DPYSL3: variants seen among roughly 807,000 people sequenced by gnomAD.
DPYSL3 encodes dihydropyrimidinase like 3.
A neutral mutation model predicts 66.1 loss-of-function variants in DPYSL3; 16 were observed. The observed-to-expected ratio is 0.24, with a 90% CI of 0.16 to 0.37. The LOEUF is 0.37. DPYSL3 is among the 10% of genes least tolerant of loss of function. The pLI is 1.00. For missense variants in DPYSL3, 738 were observed against 916.2 expected (o/e 0.81, Z 2.51); for synonymous variants, 338 against 345.1 (o/e 0.98, Z 0.23).
chr5:147,474,812 T>G (rs1035408806), intron 1 of DPYSL3, among the ~76,000 whole-genome samples: 2 of 152,110 alleles, frequency 1.3e-5, no homozygotes, highest in African/African-American at 4.8e-5. Context: ...ATTCACCAAT[T>G]TAAAGTATAC....
At chr5:147,434,118 T>C (rs558153417) in intron 1 of DPYSL3, among the ~76,000 whole-genome samples, 1 of 152,232 alleles carries the variant, frequency 6.6e-6, no homozygotes, top group Non-Finnish European at 1.5e-5. Context: ...CTACTGCTCT[T>C]GTAATATCGA....
chr5:147,473,058 TA>T (rs974788574), intron 1 of DPYSL3: 4 of 152,210 alleles, frequency 2.6e-5, no homozygotes, highest in African/African-American at 9.6e-5. Context: ...TTTTCTTTTT[TA>T]AATCATACGG....
chr5:147,415,936 G>A (rs1490171383), intron 3 of DPYSL3, 63 bp from the exon 4 acceptor site: 3 of 1,549,220 alleles, frequency 1.9e-6, no homozygotes, highest in African/African-American at 1.4e-5. Flanking sequence ...CTCTGCCCAG[G>A]CCTGCTCCTG....
intron 8 of DPYSL3, among the ~76,000 whole-genome samples, chr5:147,404,391 A>G (rs1758278841): frequency 6.6e-6 from 1 of 152,206 alleles, no homozygotes; most frequent in South Asian, 2.1e-4. Flanking sequence ...GCATCTGAAC[A>G]CTCAGCCATC....
chr5:147,396,502 G>A (rs939582332), intron 12 of DPYSL3, among the ~76,000 whole-genome samples: 6 of 152,198 alleles, frequency 3.9e-5, no homozygotes, highest in East Asian at 1.9e-4. Context: ...ATGAGGACGC[G>A]CTGCCAGAGG....
At chr5:147,437,474 T>C (rs1752433499) in intron 1 of DPYSL3, among the ~76,000 whole-genome samples, 1 of 152,172 alleles carries the variant, frequency 6.6e-6, no homozygotes. Context: ...TTGGGGATTG[T>C]GGTCATAAGC....
At chr5:147,405,577 C>A in intron 8 of DPYSL3, 33 bp downstream of exon 8, 1 of 1,596,180 alleles carries the variant, frequency 6.3e-7, no homozygotes, top group Admixed American at 1.7e-5. Context: ...ACAGTGCCAT[C>A]AGGGGCTCCG....
intron 4 of DPYSL3, among the ~76,000 whole-genome samples, chr5:147,415,503 A>G (rs1429884134): frequency 6.6e-6 from 1 of 152,128 alleles, no homozygotes; most frequent in African/African-American, 2.4e-5. Flanking sequence ...CTCCATCTGC[A>G]AAGTGGGGAA....
At chr5:147,490,980 G>A (rs1223021400) in intron 1 of DPYSL3, among the ~76,000 whole-genome samples, 1 of 152,160 alleles carries the variant, frequency 6.6e-6, no homozygotes, top group East Asian at 1.9e-4. Context: ...GTCAGGGAGA[G>A]GAGAGAGGAA....
intron 1 of DPYSL3, among the ~76,000 whole-genome samples, chr5:147,468,094 A>G (rs541870732): frequency 2.6e-4 from 40 of 152,304 alleles, no homozygotes; most frequent in African/African-American, 9.6e-4. Flanking sequence ...TCCAACACCA[A>G]CATTTGGACC....
chr5:147,424,827 TGAA>T, intron 2 of DPYSL3, 45 bp downstream of exon 2: 3 of 1,373,684 alleles, frequency 2.2e-6, no homozygotes, highest in Non-Finnish European at 3.1e-6. Flanking sequence ...GAGCCATTAA[TGAA>T]GGAGGAAGTG....
intron 1 of DPYSL3, chr5:147,454,085 G>A (rs1050781866): frequency 6.6e-6 from 1 of 152,322 alleles, no homozygotes; most frequent in African/African-American, 2.4e-5. Context: ...GAGTCCCGGG[G>A]GTGGGAGCAT....
intron 1 of DPYSL3, among the ~76,000 whole-genome samples, chr5:147,438,521 A>G (rs935509025): frequency 6.6e-6 from 1 of 152,198 alleles, no homozygotes; most frequent in African/African-American, 2.4e-5. Flanking sequence ...ACCGCTTACT[A>G]TCGGCAAAGA....
At position 147,499,713 on chromosome 5, in the gene DPYSL3, C is replaced by T. The variant is rs549092007; in HGVS notation, c.381+9765G>A. On this transcript the variant is annotated intron_variant, in intron 1 of 13. Coordinates refer to ENST00000343218, the MANE Select transcript of DPYSL3 (RefSeq NM_001197294.2). ...TTGATATCAACAAACTGATTCTAAA[C>T]GTCATATGGAAAGGCAAAAGACCCA... Among the ~76,000 whole-genome samples, 9 of 152,136 alleles carry T rather than the reference C, an allele frequency of 5.9e-5. 1 individual carries two copies. The South Asian group carries it at 1.9e-3, about 32-fold the overall frequency.
chr5:147,478,212 A>G lies in DPYSL3; in HGVS notation c.381+31266T>C, dbSNP rs1053340338. Reference sequence around the variant, plus strand: ...AGGTCTTCTTAATACACACTCTGACATTTTAATTTTTACTCCGTCTCCAGC... The same window carrying G: ...AGGTCTTCTTAATACACACTCTGACGTTTTAATTTTTACTCCGTCTCCAGC... On this transcript the variant is annotated intron_variant, in intron 1 of 13. Coordinates refer to ENST00000343218, the MANE Select transcript of DPYSL3 (RefSeq NM_001197294.2). Among the ~76,000 whole-genome samples, 4 of 152,314 alleles carry G rather than the reference A, an allele frequency of 2.6e-5. No homozygotes were observed. The South Asian group carries it at 8.3e-4, about 32-fold the overall frequency.
intron 5 of DPYSL3, among the ~76,000 whole-genome samples, chr5:147,413,312 G>C (rs1470952425): frequency 6.6e-6 from 1 of 152,192 alleles, no homozygotes; most frequent in Non-Finnish European, 1.5e-5. Flanking sequence ...CTTATGAGGG[G>C]TTTGGAGCTT....
At chr5:147,423,504 A>G (rs1157702582) in intron 2 of DPYSL3, among the ~76,000 whole-genome samples, 1 of 152,222 alleles carries the variant, frequency 6.6e-6, no homozygotes, top group African/African-American at 2.4e-5. Flanking sequence ...AAAACATTTA[A>G]CATTGTGCCT....
chr5:147,478,259 A>G (rs1005204823), intron 1 of DPYSL3, among the ~76,000 whole-genome samples: 2 of 152,212 alleles, frequency 1.3e-5, no homozygotes, highest in African/African-American at 4.8e-5. Context: ...AATATCAGCT[A>G]GAACTTGCAT....
At chr5:147,460,216 G>A (rs374143887) in intron 1 of DPYSL3, among the ~76,000 whole-genome samples, 10 of 152,320 alleles carry the variant, frequency 6.6e-5, no homozygotes, top group East Asian at 1.9e-4. Context: ...ACATTCATAC[G>A]AGGGGAAAAA....
Sources: allele counts gnomAD v4.1 joint callset (sites outside exome capture counted in the v4.1 genomes callset), GRCh38; gene constraint gnomAD v4.1.1; transcripts MANE v1.5; gene names NCBI Gene and HGNC (gene_info 2026-07-23, HGNC 2026-07-21).